ATP6V0A4: variants seen among roughly 807,000 people sequenced by gnomAD.
The protein encoded by ATP6V0A4 is ATPase H+ transporting V0 subunit a4, also known as V-type proton ATPase 116 kDa subunit a 4.
In ATP6V0A4, 86 loss-of-function variants were observed where a neutral mutation model predicts 107.3. The ratio of observed to expected loss-of-function variants is 0.80; its 90% CI spans 0.67 to 0.96. The LOEUF (loss-of-function observed/expected upper bound fraction) is 0.96. Ranked by LOEUF, ATP6V0A4 falls within the 40% of genes least tolerant of loss-of-function variation. ATP6V0A4 has a pLI of 0.00. For synonymous variants in ATP6V0A4, 353 were observed against 381.4 expected (o/e 0.93, Z 0.87); for missense variants, 908 against 1,045.6 (o/e 0.87, Z 1.81).
chr7:138,757,667 C>T (rs7787546), intron 8 of ATP6V0A4, among the ~76,000 whole-genome samples: 1 of 152,120 alleles, frequency 6.6e-6, no homozygotes, highest in Non-Finnish European at 1.5e-5. Context: ...TTAAAATGCC[C>T]GCACCCTTTA....
At chr7:138,771,801 T>G (rs1020768883) in intron 2 of ATP6V0A4, among the ~76,000 whole-genome samples, 1 of 152,116 alleles carries the variant, frequency 6.6e-6, no homozygotes, top group African/African-American at 2.4e-5. Flanking sequence ...TTTATTTTTT[T>G]GTTGAGACAG....
At chr7:138,734,668 C>T (rs547084435) in intron 15 of ATP6V0A4, among the ~76,000 whole-genome samples, 1 of 151,016 alleles carries the variant, frequency 6.6e-6, no homozygotes, top group African/African-American at 2.4e-5. Context: ...ATCCCAACTA[C>T]TCAGGAGGCT....
rs529149272 is a variant in ATP6V0A4 at position 138,793,452 on chromosome 7, C to T, written c.-121+4582G>A. ...CAAAACTACAGGGAAGAAAGAAACC[C>T]GCAATCATCTCTGTATTCAACAGAA... is the stretch of plus-strand genomic sequence containing the variant. On this transcript the variant is annotated intron_variant, in intron 1 of 21. Coordinates refer to ENST00000310018, the MANE Select transcript of ATP6V0A4 (RefSeq NM_020632.3). Among the ~76,000 whole-genome samples, 31 of 152,214 alleles carry T rather than the reference C, an allele frequency of 2.0e-4. No homozygotes were observed. In the South Asian group the frequency reaches 6.4e-3, roughly 32 times the overall value.
intron 1 of ATP6V0A4, among the ~76,000 whole-genome samples, chr7:138,788,133 G>A (rs578211614): frequency 2.6e-4 from 39 of 152,284 alleles, no homozygotes; most frequent in Admixed American, 2.2e-3. Flanking sequence ...TATCTGGTTC[G>A]CTTCGGTTTT....
chr7:138,760,033 G>T, intron 7 of ATP6V0A4, 155 bp from the exon 8 acceptor site: 1 of 810,198 alleles, frequency 1.2e-6, no homozygotes, highest in Non-Finnish European at 1.5e-6. Flanking sequence ...TGAGTCCCAA[G>T]GCCACCCCGC....
chr7:138,766,223 A>C (rs2353843), intron 5 of ATP6V0A4, among the ~76,000 whole-genome samples: 1 of 149,254 alleles, frequency 6.7e-6, no homozygotes, highest in Non-Finnish European at 1.5e-5. Flanking sequence ...TTTTTTTGGA[A>C]ACACAGTCTT....
chr7:138,754,532 T>C (rs1408616114), intron 10 of ATP6V0A4, among the ~76,000 whole-genome samples: 2 of 151,816 alleles, frequency 1.3e-5, no homozygotes, highest in Non-Finnish European at 2.9e-5. Context: ...AAGAGGCACA[T>C]ATCTAATTTC....
chr7:138,769,577 A>C (rs1462074980), intron 3 of ATP6V0A4, among the ~76,000 whole-genome samples: 1 of 152,106 alleles, frequency 6.6e-6, no homozygotes, highest in African/African-American at 2.4e-5. Flanking sequence ...AGCCTCTCAA[A>C]GTGCTGGGAT....
intron 2 of ATP6V0A4, among the ~76,000 whole-genome samples, chr7:138,781,326 T>C (rs982470140): frequency 2.6e-5 from 4 of 152,072 alleles, no homozygotes; most frequent in Non-Finnish European, 5.9e-5. Context: ...GATTTTCTTT[T>C]TTTTTTTCTT....
rs1234807171 is a variant in ATP6V0A4 at position 138,707,110 on chromosome 7, ATT to A, written c.2430-395_2430-394del. Among the ~76,000 whole-genome samples, 123 of 66,314 alleles carry A rather than the reference ATT, an allele frequency of 1.9e-3. 1 individual carries two copies. The highest frequency in any genetic ancestry group is 9.9e-3 in the African/African-American group (123 of 12,422). 43.5% of individuals were successfully genotyped at this position (66,314 alleles called of 152,430 possible). A position where few individuals can be genotyped will look rare whatever the true frequency, so the allele number is the denominator to read the frequency against. ...TGTGTGTGTATAATATATCATATAT[ATT>A]ATTATATATAATATTATATATACAT... is the stretch of plus-strand genomic sequence containing the variant. On this transcript the variant is annotated intron_variant, in intron 21 of 21. Transcript: ENST00000310018.
intron 21 of ATP6V0A4, among the ~76,000 whole-genome samples, chr7:138,707,190 TATATATTATATA>T (rs1238167832): frequency 1.8e-5 from 1 of 55,358 alleles, no homozygotes; most frequent in Non-Finnish European, 3.0e-5. Flanking sequence ...TAATATATTA[TATATATTATATA>T]ATATATTATA....
At chr7:138,759,198 T>G (rs951481564) in intron 8 of ATP6V0A4, among the ~76,000 whole-genome samples, 1 of 151,716 alleles carries the variant, frequency 6.6e-6, no homozygotes, top group Admixed American at 6.6e-5. Context: ...TAGCTGGGAC[T>G]ACCGGTGTGT....
chr7:138,756,805 G>T (rs1806537195), intron 8 of ATP6V0A4, among the ~76,000 whole-genome samples: 2 of 152,080 alleles, frequency 1.3e-5, no homozygotes. Flanking sequence ...CTTATATTCA[G>T]CTCTAAGCCC....
rs757982771 is a variant in ATP6V0A4, at chr7:138,715,756, T to C, written c.2257+8A>G. ...GCTGACTGTCCCCCCGATGGGCTGC[T>C]CACTCACGTGCATGAGCCAGGCTGA... On this transcript the variant is annotated splice_region_variant and intron_variant, in intron 20 of 21. Coordinates refer to ENST00000310018, the MANE Select transcript of ATP6V0A4 (RefSeq NM_020632.3). The C allele has an allele frequency of 6.2e-6, 10 of 1,613,354 alleles. No homozygotes were observed. Among genetic ancestry groups the C allele is most frequent in the Non-Finnish European group, 8.5e-6 (10 of 1,179,492 alleles).
intron 3 of ATP6V0A4, among the ~76,000 whole-genome samples, chr7:138,769,606 C>T (rs1039252969): frequency 6.6e-5 from 10 of 152,122 alleles, no homozygotes; most frequent in Non-Finnish European, 7.3e-5. Context: ...TGAGGCACTG[C>T]GCTAAGCCCC....
At chr7:138,740,629 A>G (rs1805587444) in intron 14 of ATP6V0A4, among the ~76,000 whole-genome samples, 1 of 149,276 alleles carries the variant, frequency 6.7e-6, no homozygotes, top group Non-Finnish European at 1.5e-5. Context: ...TTTAGTAGAG[A>G]TGGGGTTTCA....
intron 5 of ATP6V0A4, 46 bp downstream of exon 5, chr7:138,768,734 T>G (rs1807216069): frequency 1.2e-6 from 2 of 1,608,732 alleles, no homozygotes; most frequent in Admixed American, 1.7e-5. Context: ...GAGACAGGCT[T>G]CATGACTGTC....
intron 14 of ATP6V0A4, 78 bp downstream of exon 14, chr7:138,745,045 G>C: frequency 7.5e-7 from 1 of 1,335,858 alleles, no homozygotes; most frequent in Non-Finnish European, 1.1e-6. Context: ...CCTAGGTGTA[G>C]ACTCCCCCAA....
chr7:138,779,263 C>T (rs1807813563), intron 2 of ATP6V0A4, among the ~76,000 whole-genome samples: 1 of 151,788 alleles, frequency 6.6e-6, no homozygotes. Context: ...GGGAGGATGA[C>T]CTGAGCCTGG....
Sources: gnomAD v4.1 joint callset for allele counts (sites outside exome capture counted in the v4.1 genomes callset) on GRCh38, gnomAD v4.1.1 for gene constraint, MANE v1.5 for transcripts, NCBI Gene and HGNC (gene_info 2026-07-23, HGNC 2026-07-21) for gene names.